ANXA11: variants seen among roughly 807,000 people sequenced by gnomAD.
ANXA11 encodes 56 kDa autoantigen.
ANXA11 carries 57 observed loss-of-function variants against 64.7 expected under a neutral mutation model. The observed-to-expected ratio is 0.88, with a 90% CI of 0.71 to 1.10. The LOEUF (loss-of-function observed/expected upper bound fraction) is 1.10, where lower values mean the gene tolerates loss of function less well. ANXA11 is among the 50% of genes least tolerant of loss of function. ANXA11 has a pLI of 0.00. For synonymous variants in ANXA11, 260 were observed against 265.2 expected (o/e 0.98, Z 0.19); for missense variants, 675 against 670.7 (o/e 1.01, Z -0.07).
intron 1 of ANXA11, chr10:80,181,522 A>ATTC (rs1846354734): frequency 1.3e-5 from 2 of 152,112 alleles, no homozygotes; most frequent in Admixed American, 1.3e-4. Context: ...AAGCCATAGA[A>ATTC]TGGGAGAAAA....
Position 80,203,690 on chromosome 10 carries a change from G to GA in ANXA11, c.-58+1652dup, listed in dbSNP as rs147077110. Among the ~76,000 whole-genome samples, 1,071 of 152,288 alleles carry GA rather than the reference G, an allele frequency of 7.0e-3. 12 individuals carry two copies. Among genetic ancestry groups the GA allele is most frequent in the African/African-American group, 0.025 (1,027 of 41,558 alleles). ...CTATGCAAGGCGAGAGATGAGAACC[G>GA]AGTCAGTGCCAGAAGGGCTGAGTGA... On this transcript the variant is annotated intron_variant, in intron 1 of 15. Transcript: ENST00000422982.
intron 2 of ANXA11, among the ~76,000 whole-genome samples, chr10:80,173,917 C>A (rs1365692786): frequency 1.3e-5 from 2 of 152,166 alleles, no homozygotes; most frequent in Non-Finnish European, 1.5e-5. Flanking sequence ...GACAGTGGAA[C>A]CAGTTTTTGC....
intron 2 of ANXA11, chr10:80,173,105 A>C (rs999314205): frequency 2.6e-5 from 13 of 498,196 alleles, no homozygotes; most frequent in African/African-American, 6.0e-5. Context: ...CCCCGGCCCC[A>C]CCCACAGTGA....
chr10:80,158,628 A>G (rs1589414175), intron 13 of ANXA11, among the ~76,000 whole-genome samples: 1 of 152,180 alleles, frequency 6.6e-6, no homozygotes, highest in African/African-American at 2.4e-5. Flanking sequence ...GGGCCCTGCT[A>G]GAGGACATGG....
chr10:80,157,775 C>G lies in ANXA11; in HGVS notation c.1336-12G>C. 1 of 1,610,682 alleles carries G rather than the reference C, an allele frequency of 6.2e-7. No homozygotes were observed. Among genetic ancestry groups the G allele is most frequent in the South Asian group, 1.1e-5 (1 of 90,660 alleles). On this transcript the variant is annotated splice_polypyrimidine_tract_variant and intron_variant, in intron 14 of 15. Coordinates refer to ENST00000422982, the MANE Select transcript of ANXA11 (RefSeq NM_145868.2). ...TTTGTTCCTGCCCCCTAAAGAGAGT[C>G]CACCCAAGAGCATGAGCACCAGGCC...
At chr10:80,187,589 A>T (rs1386103844) in intron 1 of ANXA11, among the ~76,000 whole-genome samples, 2 of 151,722 alleles carry the variant, frequency 1.3e-5, no homozygotes, top group African/African-American at 4.8e-5. Flanking sequence ...TCTCTCACAC[A>T]CTCCCAAAAA....
chr10:80,196,497 G>A (rs1052269601), intron 1 of ANXA11, among the ~76,000 whole-genome samples: 1 of 152,166 alleles, frequency 6.6e-6, no homozygotes, highest in Non-Finnish European at 1.5e-5. Flanking sequence ...GAATTCTGGG[G>A]GCAGGGAGGA....
At position 80,155,761 on chromosome 10, in the gene ANXA11, T is replaced by G; in HGVS notation, c.*92A>C. ...TCTAGGACGGTGAATCTCGGGGCTA[T>G]TTGTGGATTTGTTAGAAACAGACAT... is the stretch of plus-strand genomic sequence containing the variant. On this transcript the variant is annotated 3_prime_UTR_variant, in exon 16 of 16. Transcript: ENST00000422982. 1.6e-6 allele frequency: 2 copies of G among 1,242,698 alleles called. No homozygotes were observed. The highest frequency in any genetic ancestry group is 3.4e-5 in the Admixed American group (2 of 58,692). 77.0% of individuals were successfully genotyped at this position (1,242,698 alleles called of 1,614,324 possible).
chr10:80,170,275 TCTAAG>T (rs1326541154), intron 4 of ANXA11, among the ~76,000 whole-genome samples: 1 of 152,210 alleles, frequency 6.6e-6, no homozygotes, highest in African/African-American at 2.4e-5. Context: ...CATAATTTCC[TCTAAG>T]CATACGTTTG....
intron 7 of ANXA11, chr10:80,166,621 T>C (rs1845752000): frequency 3.9e-6 from 2 of 518,118 alleles, no homozygotes; most frequent in African/African-American, 3.8e-5. Flanking sequence ...GGAAGGAAAA[T>C]GATGTGGCCA....
chr10:80,172,525 C>A (rs1846017706), intron 3 of ANXA11, among the ~76,000 whole-genome samples: 1 of 152,284 alleles, frequency 6.6e-6, no homozygotes, highest in Admixed American at 6.5e-5. Flanking sequence ...ACAGCATTTG[C>A]CCACTGTTAC....
intron 9 of ANXA11, among the ~76,000 whole-genome samples, 197 bp downstream of exon 9, chr10:80,163,856 T>C (rs983584574): frequency 6.6e-6 from 1 of 152,178 alleles, no homozygotes; most frequent in African/African-American, 2.4e-5. Flanking sequence ...TCCCTTACAT[T>C]AGTCATTTGC....
At chr10:80,178,806 C>T (rs1266526116) in intron 1 of ANXA11, among the ~76,000 whole-genome samples, 2 of 152,230 alleles carry the variant, frequency 1.3e-5, no homozygotes, top group Non-Finnish European at 2.9e-5. Flanking sequence ...GGAGAGCTCA[C>T]TAAACATGCT....
Position 80,180,677 on chromosome 10 carries a change from T to G in ANXA11, c.-57-4522A>C, listed in dbSNP as rs1281259320. On this transcript the variant is annotated intron_variant, in intron 1 of 15. Transcript: ENST00000422982. The stretch of plus-strand genomic sequence containing the variant: ...TTTTTTTAACATTAGATCCTTAACC[T>G]GTTTTTACACACACACACACAATTT... 3.3e-5 allele frequency among the ~76,000 whole-genome samples: 5 copies of G among 151,924 alleles called. No homozygotes were observed. The East Asian group carries it at 9.6e-4, about 29-fold the overall frequency.
intron 1 of ANXA11, among the ~76,000 whole-genome samples, chr10:80,193,617 G>T: frequency 6.6e-6 from 1 of 151,916 alleles, no homozygotes; most frequent in South Asian, 2.1e-4. Context: ...GCTGAGGCAG[G>T]CAGATCACTT....
rs199988035 is a variant in ANXA11 at position 80,170,864 on chromosome 10, G to A, written c.107C>T (p.Pro36Leu). The A allele has an allele frequency of 2.6e-6, 4 of 1,543,548 alleles. No individual in the cohort carries two copies. The highest frequency in any genetic ancestry group is 3.5e-6 in the Non-Finnish European group (4 of 1,149,288). The stretch of plus-strand genomic sequence containing the variant: ...GGTGGCCACGTTATCCAGCCCGATG[G>A]GGGGCATGCTGGGCGGAGGAGGGTA... ...AAYPPPPSMP[P>L]IGLDNVATYA... Residue 36 changes from proline (P) to leucine (L), a missense_variant, in exon 4 of 16, where the codon CCC becomes CTC. Physicochemically the swap from Pro to Leu is moderately conservative, Grantham distance 98. Coordinates refer to ENST00000422982, the MANE Select transcript of ANXA11 (RefSeq NM_145868.2).
At chr10:80,175,444 C>T (rs527574951) in intron 2 of ANXA11, among the ~76,000 whole-genome samples, 44 of 152,186 alleles carry the variant, frequency 2.9e-4, no homozygotes, top group Middle Eastern at 6.8e-3. Context: ...ACAGCCAGGC[C>T]AGGGAAAAAA....
At chr10:80,159,223 T>C (rs774273496) in intron 12 of ANXA11, 28 bp from the exon 13 acceptor site, 5 of 1,576,784 alleles carry the variant, frequency 3.2e-6, no homozygotes, top group Non-Finnish European at 4.4e-6. Flanking sequence ...GCTTATATTA[T>C]GAACTGAAAT....
chr10:80,204,076 C>T (rs1840565262), intron 1 of ANXA11, among the ~76,000 whole-genome samples: 1 of 152,212 alleles, frequency 6.6e-6, no homozygotes, highest in Admixed American at 6.5e-5. Context: ...TAAATGAATG[C>T]ACTGAATCTC....
Sources: allele counts gnomAD v4.1 joint callset (sites outside exome capture counted in the v4.1 genomes callset), GRCh38; gene constraint gnomAD v4.1.1; transcripts MANE v1.5; gene names NCBI Gene and HGNC (gene_info 2026-07-23, HGNC 2026-07-21).